SHISA9: variants seen among roughly 807,000 people sequenced by gnomAD.
SHISA9 encodes the protein protein shisa-9.
In SHISA9, 13 loss-of-function variants were observed where a neutral mutation model predicts 38.0. The ratio of observed to expected loss-of-function variants is 0.34; its 90% CI spans 0.22 to 0.54. The LOEUF (loss-of-function observed/expected upper bound fraction) is 0.54. SHISA9 is among the 20% of genes least tolerant of loss of function. SHISA9 has a pLI of 0.91. For missense variants in SHISA9, 538 were observed against 575.8 expected (o/e 0.93, Z 0.67); for synonymous variants, 275 against 242.0 (o/e 1.14, Z -1.27).
intron 1 of SHISA9, chr16:12,908,423 C>T (rs1238828547): frequency 4.5e-6 from 7 of 1,544,780 alleles, no homozygotes; most frequent in Non-Finnish European, 5.2e-6. Flanking sequence ...TGCAATTTTG[C>T]CATAAGCTTA....
chr16:12,908,745 T>C (rs890228469), intron 1 of SHISA9: 3 of 1,422,260 alleles, frequency 2.1e-6, no homozygotes, highest in African/African-American at 1.4e-5. Context: ...AGGAATGCTT[T>C]CTATATCGGC....
chr16:13,224,147 G>A (rs770832588), intron 4 of SHISA9, among the ~76,000 whole-genome samples: 1 of 152,214 alleles, frequency 6.6e-6, no homozygotes, highest in Non-Finnish European at 1.5e-5. Context: ...TAAGAAAGGT[G>A]AGCAATTACT....
the SHISA9 span, among the ~76,000 whole-genome samples, chr16:13,520,603 C>CAAAA: frequency 2.4e-3 from 135 of 56,214 alleles, 1 homozygote; most frequent in African/African-American, 9.8e-3. Flanking sequence ...AACTCTGTCT[C>CAAAA]AAAAAAAAAA....
At chr16:13,505,610 C>T in the SHISA9 span, among the ~76,000 whole-genome samples, 1 of 152,254 alleles carries the variant, frequency 6.6e-6, no homozygotes, top group South Asian at 2.1e-4. Context: ...GTCTACAATA[C>T]TTCCCCTTTA....
intron 2 of SHISA9, among the ~76,000 whole-genome samples, chr16:13,182,591 G>A (rs1457090202): frequency 6.6e-6 from 1 of 152,120 alleles, no homozygotes; most frequent in Non-Finnish European, 1.5e-5. Context: ...TTATAAATTT[G>A]GAATTGGAGC....
chr16:13,535,575 G>A, the SHISA9 span, among the ~76,000 whole-genome samples: 1 of 152,304 alleles, frequency 6.6e-6, no homozygotes, highest in East Asian at 1.9e-4. Flanking sequence ...TGGCAGGATT[G>A]AGTGGTTGTG....
chr16:13,293,523 G>A, the SHISA9 span, among the ~76,000 whole-genome samples: 184 of 152,266 alleles, frequency 1.2e-3, no homozygotes, highest in African/African-American at 4.3e-3. Flanking sequence ...GTAAAATGGA[G>A]GAAGTAGTAG....
chr16:12,999,812 A>T (rs1307517870), intron 2 of SHISA9, among the ~76,000 whole-genome samples: 3 of 152,164 alleles, frequency 2.0e-5, no homozygotes, highest in Admixed American at 2.0e-4. Flanking sequence ...AACATGGAGG[A>T]TATACTCCTG....
In SHISA9 at chr16:12,967,705, C is replaced by T. The variant is rs533323209; in HGVS notation, c.691+50890C>T. 2.6e-5 allele frequency among the ~76,000 whole-genome samples: 4 copies of T among 151,770 alleles called. No individual in the cohort carries two copies. The East Asian group carries it at 7.7e-4, about 29-fold the overall frequency. On this transcript the variant is annotated intron_variant, in intron 2 of 4. Transcript: ENST00000558583. ...GAAATACTCTGGAGATTGAAGATGCCTATGAGCTCCAAAGCATCGATTCCT... is the reference window on the plus strand; with the variant it reads ...GAAATACTCTGGAGATTGAAGATGCTTATGAGCTCCAAAGCATCGATTCCT...
At chr16:13,335,826 G>A in the SHISA9 span, among the ~76,000 whole-genome samples, 17 of 152,194 alleles carry the variant, frequency 1.1e-4, no homozygotes, top group Admixed American at 3.3e-4. Flanking sequence ...ACCTGGGCAG[G>A]ACTATCTTGG....
chr16:12,994,206 G>A (rs765268414), intron 2 of SHISA9, among the ~76,000 whole-genome samples: 4 of 152,204 alleles, frequency 2.6e-5, no homozygotes, highest in African/African-American at 4.8e-5. Flanking sequence ...AGGGATAGTC[G>A]TTGGAAGGCT....
At chr16:13,103,884 T>TTTCCAGAGCATGG (rs1027085611) in intron 2 of SHISA9, among the ~76,000 whole-genome samples, 2 of 152,140 alleles carry the variant, frequency 1.3e-5, no homozygotes, top group Non-Finnish European at 2.9e-5. Context: ...ACTCTAAAGA[T>TTTCCAGAGCATGG]TTCCAGAGCA....
rs1045062541 is a variant in SHISA9, at chr16:13,234,358, A to C, written c.896-672A>C. 4.6e-5 allele frequency among the ~76,000 whole-genome samples: 7 copies of C among 152,296 alleles called. No individual in the cohort carries two copies. The East Asian group carries it at 1.2e-3, about 25-fold the overall frequency. ...CACTTTACACAGATCATATCATTTA[A>C]CTCTCCAAACAGACCTATGAAGTAT... On this transcript the variant is annotated intron_variant, in intron 4 of 4. Coordinates refer to ENST00000558583, the MANE Select transcript of SHISA9 (RefSeq NM_001145204.3).
chr16:13,550,969 A>G, the SHISA9 span, among the ~76,000 whole-genome samples: 3 of 152,234 alleles, frequency 2.0e-5, no homozygotes, highest in African/African-American at 7.2e-5. Context: ...TAAAAATACA[A>G]AAAATTAGCC....
chr16:13,556,533 C>A, the SHISA9 span, among the ~76,000 whole-genome samples: 2 of 152,002 alleles, frequency 1.3e-5, no homozygotes, highest in Admixed American at 1.3e-4. Context: ...CAAGGTGGCA[C>A]GTGCCTGTAA....
chr16:13,000,126 TA>T (rs1359516843), intron 2 of SHISA9, among the ~76,000 whole-genome samples: 4 of 152,126 alleles, frequency 2.6e-5, no homozygotes, highest in African/African-American at 9.7e-5. Flanking sequence ...TAGGGACACT[TA>T]GCATTCAAGT....
intron 2 of SHISA9, among the ~76,000 whole-genome samples, chr16:13,028,889 A>G (rs1328492747): frequency 6.6e-6 from 1 of 152,124 alleles, no homozygotes; most frequent in Non-Finnish European, 1.5e-5. Context: ...GGGGGTGTCA[A>G]CACTTCAAAA....
chr16:12,991,504 C>T (rs1309479361), intron 2 of SHISA9, among the ~76,000 whole-genome samples: 1 of 152,042 alleles, frequency 6.6e-6, no homozygotes, highest in Non-Finnish European at 1.5e-5. Context: ...TATGAAAGTA[C>T]CTGAAGTTTG....
intron 1 of SHISA9, among the ~76,000 whole-genome samples, chr16:12,906,360 A>G (rs1032922362): frequency 4.1e-4 from 62 of 152,294 alleles, no homozygotes; most frequent in Non-Finnish European, 4.6e-4. Context: ...GAGGCCTCCA[A>G]GATACCAGTT....
Sources: allele counts gnomAD v4.1 joint callset (sites outside exome capture counted in the v4.1 genomes callset), GRCh38; gene constraint gnomAD v4.1.1; transcripts MANE v1.5; gene names NCBI Gene and HGNC (gene_info 2026-07-23, HGNC 2026-07-21).